Variants in SHLD1 observed in about 807,000 individuals in gnomAD.
SHLD1 encodes RINN1-REV7-interacting novel NHEJ regulator 3.
In SHLD1, 3 loss-of-function variants were observed where a neutral mutation model predicts 5.5. That is an observed-to-expected ratio of 0.54 (90% CI 0.25 to 1.40). The LOEUF (loss-of-function observed/expected upper bound fraction) is 1.40. SHLD1 is among the 40% of genes most tolerant of loss of function. The probability of loss-of-function intolerance (pLI) is 0.15; values close to 1 mark genes in which losing one functional copy is unlikely to be tolerated. For missense variants in SHLD1, 210 were observed against 244.4 expected (o/e 0.86, Z 0.94); for synonymous variants, 92 against 94.3 (o/e 0.98, Z 0.14).
intron 2 of SHLD1, among the ~76,000 whole-genome samples, chr20:5,787,113 C>A (rs192387324): frequency 7.5e-4 from 114 of 152,332 alleles, no homozygotes; most frequent in Non-Finnish European, 1.4e-3. Flanking sequence ...GTATGCCTTT[C>A]TCCCATCAAT....
chr20:5,800,837 A>G (rs1006262760), intron 2 of SHLD1, among the ~76,000 whole-genome samples: 1 of 79,118 alleles, frequency 1.3e-5, no homozygotes, highest in Non-Finnish European at 2.6e-5. Context: ...ATCTGTATCT[A>G]TACCTGTGTG....
chr20:5,775,923 A>ACTTTTTTTTTT (rs1985401150), intron 2 of SHLD1, among the ~76,000 whole-genome samples: 1 of 77,678 alleles, frequency 1.3e-5, no homozygotes, highest in Non-Finnish European at 2.4e-5. Flanking sequence ...TCAGCTCAGG[A>ACTTTTTTTTTT]TTTTTTTTTT....
At chr20:5,802,641 A>G (rs772956015) in intron 2 of SHLD1, among the ~76,000 whole-genome samples, 1 of 149,094 alleles carries the variant, frequency 6.7e-6, no homozygotes, top group Non-Finnish European at 1.5e-5. Flanking sequence ...CTTCCTTTCT[A>G]TTTTTCTTTT....
chr20:5,840,117 C>T (rs2087840325), intron 2 of SHLD1, among the ~76,000 whole-genome samples: 1 of 152,208 alleles, frequency 6.6e-6, no homozygotes, highest in Non-Finnish European at 1.5e-5. Context: ...TCCCCATGAG[C>T]TTGCCTGTTC....
At chr20:5,777,496 A>G (rs564726075) in intron 2 of SHLD1, among the ~76,000 whole-genome samples, 1 of 152,092 alleles carries the variant, frequency 6.6e-6, no homozygotes, top group African/African-American at 2.4e-5. Context: ...GCTGAAGTGC[A>G]GTATTGTGGT....
chr20:5,794,240 C>G (rs748599634), intron 2 of SHLD1, among the ~76,000 whole-genome samples: 4 of 152,154 alleles, frequency 2.6e-5, no homozygotes, highest in Non-Finnish European at 4.4e-5. Context: ...CATAGGTTGT[C>G]ATGAGGATTG....
rs1313507970 is a variant in SHLD1, at chr20:5,809,391, A to G, written c.178+36348A>G. On this transcript the variant is annotated intron_variant, in intron 2 of 2. Transcript: ENST00000303142. ...CAGAGTTAAATCCTCATTTCCCCTT[A>G]TGTCACACCCTACTGCCAAGTGTCT... Among the ~76,000 whole-genome samples, 3 of 152,006 alleles carry G rather than the reference A, an allele frequency of 2.0e-5. No individual in the cohort carries two copies. The East Asian group carries it at 5.8e-4, about 29-fold the overall frequency.
chr20:5,773,874 A>G (rs143640060), intron 2 of SHLD1, among the ~76,000 whole-genome samples: 51 of 152,204 alleles, frequency 3.4e-4, no homozygotes, highest in African/African-American at 1.2e-3. Flanking sequence ...TCTGCCATCG[A>G]TGGGTGCTCA....
At chr20:5,786,497 C>T (rs1036622998) in intron 2 of SHLD1, among the ~76,000 whole-genome samples, 8 of 151,998 alleles carry the variant, frequency 5.3e-5, no homozygotes, top group East Asian at 1.9e-4. Context: ...ATTGCTTGAG[C>T]GCAGGAGGTT....
At chr20:5,848,475 A>C (rs1005396635) in intron 2 of SHLD1, among the ~76,000 whole-genome samples, 6 of 152,336 alleles carry the variant, frequency 3.9e-5, no homozygotes, top group Non-Finnish European at 7.3e-5. Flanking sequence ...GCCAAGATTA[A>C]TTTTTAAAAA....
At chr20:5,831,262 T>G (rs1437366681) in intron 2 of SHLD1, among the ~76,000 whole-genome samples, 1 of 152,198 alleles carries the variant, frequency 6.6e-6, no homozygotes, top group Non-Finnish European at 1.5e-5. Context: ...CATGGTCTTT[T>G]TGTGAAGAAC....
At chr20:5,791,585 A>AC (rs2087141198) in intron 2 of SHLD1, among the ~76,000 whole-genome samples, 1 of 146,798 alleles carries the variant, frequency 6.8e-6, no homozygotes, top group Non-Finnish European at 1.5e-5. Context: ...AAAAAAAAAA[A>AC]GGAAATGATA....
chr20:5,832,174 C>T (rs1327925637), intron 2 of SHLD1, among the ~76,000 whole-genome samples: 1 of 152,348 alleles, frequency 6.6e-6, no homozygotes, highest in South Asian at 2.1e-4. Context: ...CTCCTGGCCT[C>T]AAGTGATCTG....
chr20:5,853,168 C>G (rs901734449), intron 2 of SHLD1, among the ~76,000 whole-genome samples: 5 of 152,128 alleles, frequency 3.3e-5, no homozygotes, highest in African/African-American at 1.2e-4. Context: ...ACAAGAGAGA[C>G]AAAAATCCTT....
intron 2 of SHLD1, among the ~76,000 whole-genome samples, chr20:5,834,989 C>A (rs2087773447): frequency 6.6e-6 from 1 of 152,128 alleles, no homozygotes; most frequent in South Asian, 2.1e-4. Flanking sequence ...AATACTATCA[C>A]CTTGGAGGTT....
At chr20:5,852,105 C>A (rs979086292) in intron 2 of SHLD1, among the ~76,000 whole-genome samples, 3 of 152,266 alleles carry the variant, frequency 2.0e-5, no homozygotes, top group Non-Finnish European at 4.4e-5. Flanking sequence ...TCCTTAGAAG[C>A]CTAGCAGATG....
At chr20:5,856,358 C>T (rs1358287112) in intron 2 of SHLD1, among the ~76,000 whole-genome samples, 1 of 152,238 alleles carries the variant, frequency 6.6e-6, no homozygotes, top group Non-Finnish European at 1.5e-5. Flanking sequence ...TAGTCAGACT[C>T]TCATGCAGCC....
chr20:5,857,313 G>T (rs1447184881), intron 2 of SHLD1, among the ~76,000 whole-genome samples: 2 of 152,098 alleles, frequency 1.3e-5, no homozygotes, highest in African/African-American at 4.8e-5. Context: ...AGTTTAAAAG[G>T]GGACCCATGA....
intron 2 of SHLD1, among the ~76,000 whole-genome samples, chr20:5,787,676 G>GACCA (rs1226076208): frequency 6.6e-6 from 1 of 152,164 alleles, no homozygotes; most frequent in African/African-American, 2.4e-5. Flanking sequence ...CCTGGCACAT[G>GACCA]GTAGGTGCTC....
Sources: gnomAD v4.1 joint callset for allele counts (sites outside exome capture counted in the v4.1 genomes callset) on GRCh38, gnomAD v4.1.1 for gene constraint, MANE v1.5 for transcripts, NCBI Gene and HGNC (gene_info 2026-07-23, HGNC 2026-07-21) for gene names.